OPRD1: variants seen among roughly 807,000 people sequenced by gnomAD.
OPRD1 encodes the protein delta-type opioid receptor.
Under a neutral mutation model 17.5 loss-of-function variants are expected in OPRD1, and 19 were observed. The ratio of observed to expected loss-of-function variants is 1.09; its 90% CI spans 0.76 to 1.60. The LOEUF (loss-of-function observed/expected upper bound fraction) is 1.60, where lower values mean the gene tolerates loss of function less well. Among genes scored for constraint, OPRD1 ranks in the 40% most tolerant of loss-of-function variants. OPRD1 has a pLI of 0.00. For missense variants in OPRD1, 483 were observed against 547.2 expected (o/e 0.88, Z 1.17); for synonymous variants, 256 against 240.9 (o/e 1.06, Z -0.58).
chr1:28,825,449 G>T (rs2124264320), intron 1 of OPRD1, among the ~76,000 whole-genome samples: 1 of 151,978 alleles, frequency 6.6e-6, no homozygotes, highest in Middle Eastern at 3.4e-3. Context: ...ACAGTGGCAC[G>T]ATCTCGGCTC....
intron 1 of OPRD1, among the ~76,000 whole-genome samples, chr1:28,846,846 T>TTTCTTTTCTTTCTTTC (rs769212543): frequency 8.7e-4 from 67 of 76,938 alleles, no homozygotes; most frequent in East Asian, 8.1e-3. Context: ...TCTTTCTTTC[T>TTTCTTTTCTTTCTTTC]TTTCTTTCTT....
intron 1 of OPRD1, among the ~76,000 whole-genome samples, chr1:28,814,952 A>T (rs2124254923): frequency 6.6e-6 from 1 of 152,290 alleles, no homozygotes; most frequent in African/African-American, 2.4e-5. Flanking sequence ...AGGAATCTGC[A>T]GCTCAGAGAC....
At chr1:28,823,605 G>C (rs900443533) in intron 1 of OPRD1, among the ~76,000 whole-genome samples, 1 of 151,758 alleles carries the variant, frequency 6.6e-6, no homozygotes, top group Middle Eastern at 3.4e-3. Flanking sequence ...CATGTTGGCC[G>C]GGCTGGTCTC....
rs147059624 is a variant in OPRD1 at position 28,859,014 on chromosome 1, G to T, written c.288G>T (p.Ala96=). 3 of 1,613,924 alleles carry T rather than the reference G, an allele frequency of 1.9e-6. No individual in the cohort carries two copies. The highest frequency in any genetic ancestry group is 2.5e-6 in the Non-Finnish European group (3 of 1,180,040). Residue 96 remains alanine, a synonymous_variant, in exon 2 of 3, where the codon GCG becomes GCT. Transcript: ENST00000234961. ...IYIFNLALAD[A]LATSTLPFQS... is the part of the protein sequence containing the mutation. ...TCTTCAACCTGGCCTTAGCCGATGC[G>T]CTGGCCACCAGCACGCTGCCTTTCC... is the stretch of plus-strand genomic sequence containing the variant.
chr1:28,840,951 A>G (rs1433711901), intron 1 of OPRD1, among the ~76,000 whole-genome samples: 1 of 152,206 alleles, frequency 6.6e-6, no homozygotes, highest in Non-Finnish European at 1.5e-5. Flanking sequence ...TGAATAAATA[A>G]AGTAAAATGC....
At position 28,862,863 on chromosome 1, in the gene OPRD1, T is replaced by G. The variant is rs755868876; in HGVS notation, c.699T>G (p.Tyr233Ter). Reference sequence around the variant, plus strand: ...CCATCCTCATCATCACCGTGTGCTATGGCCTCATGCTGCTGCGCCTGCGCA... The same window carrying G: ...CCATCCTCATCATCACCGTGTGCTAGGGCCTCATGCTGCTGCGCCTGCGCA... ...VVPILIITVCYGLMLLRLRSV... is the reference protein window; with the variant it reads ...VVPILIITVC The change falls in exon 3 of 3, where the codon TAT becomes TAG. Residue 233 changes from tyrosine (Y) to a stop codon, truncating the protein, a stop_gained. Transcript: ENST00000234961. LOFTEE classifies it high-confidence loss of function. The G allele has an allele frequency of 1.2e-6, 2 of 1,612,824 alleles. No individual in the cohort carries two copies. The highest frequency in any genetic ancestry group is 1.7e-6 in the Non-Finnish European group (2 of 1,180,018).
chr1:28,862,068 T>C (rs903608529), intron 2 of OPRD1, among the ~76,000 whole-genome samples: 11 of 151,902 alleles, frequency 7.2e-5, no homozygotes, highest in African/African-American at 2.4e-4. Flanking sequence ...CCTACCACCA[T>C]GCCCGGCTAA....
At chr1:28,853,215 G>C (rs2089023535) in intron 1 of OPRD1, among the ~76,000 whole-genome samples, 1 of 152,206 alleles carries the variant, frequency 6.6e-6, no homozygotes, top group Admixed American at 6.5e-5. Context: ...CCTTGCAGTT[G>C]GGCATGGCCA....
At chr1:28,858,433 C>T (rs2089078763) in intron 1 of OPRD1, among the ~76,000 whole-genome samples, 1 of 151,858 alleles carries the variant, frequency 6.6e-6, no homozygotes, top group African/African-American at 2.4e-5. Context: ...CTTAAAACAC[C>T]TTCTGCCAAA....
intron 1 of OPRD1, among the ~76,000 whole-genome samples, chr1:28,849,925 G>C (rs1043181340): frequency 6.7e-6 from 1 of 148,280 alleles, no homozygotes; most frequent in Non-Finnish European, 1.5e-5. Context: ...TGTCGCCCAG[G>C]CTGGAGTGCA....
At chr1:28,853,843 G>A (rs763768676) in intron 1 of OPRD1, among the ~76,000 whole-genome samples, 6 of 151,676 alleles carry the variant, frequency 4.0e-5, no homozygotes, top group Non-Finnish European at 7.4e-5. Context: ...CCGGGTTCAG[G>A]TGATTCTCCT....
intron 1 of OPRD1, among the ~76,000 whole-genome samples, chr1:28,828,597 A>C (rs1163178593): frequency 6.7e-6 from 1 of 149,070 alleles, no homozygotes; most frequent in Non-Finnish European, 1.5e-5. Context: ...GAAGAGGGAG[A>C]GTCGCTTGAG....
chr1:28,852,183 AAAAGAAAAGAAAG>A (rs1229632054), intron 1 of OPRD1, among the ~76,000 whole-genome samples: 1 of 150,860 alleles, frequency 6.6e-6, no homozygotes, highest in African/African-American at 2.4e-5. Context: ...AAAAAAAAAA[AAAAGAAAAGAAAG>A]AAAGAAAAGA....
intron 1 of OPRD1, among the ~76,000 whole-genome samples, chr1:28,829,503 G>A (rs1445811479): frequency 1.3e-5 from 2 of 151,892 alleles, no homozygotes; most frequent in African/African-American, 4.8e-5. Flanking sequence ...TGAGTAGCTG[G>A]GATTACAGGT....
chr1:28,814,009 C>A (rs1464662910), intron 1 of OPRD1, among the ~76,000 whole-genome samples: 1 of 152,086 alleles, frequency 6.6e-6, no homozygotes, highest in Non-Finnish European at 1.5e-5. Flanking sequence ...TGTCAGTGGG[C>A]TTCGGCATTG....
chr1:28,845,345 C>T (rs550155822), intron 1 of OPRD1, among the ~76,000 whole-genome samples: 22 of 151,882 alleles, frequency 1.4e-4, no homozygotes, highest in Admixed American at 2.0e-4. Context: ...AAAAATTAGC[C>T]GGGCATGCTG....
At chr1:28,840,426 T>C (rs2088886477) in intron 1 of OPRD1, among the ~76,000 whole-genome samples, 1 of 152,084 alleles carries the variant, frequency 6.6e-6, no homozygotes, top group Admixed American at 6.6e-5. Context: ...AAAAAGAGTA[T>C]GTGAAGGACA....
At position 28,846,850 on chromosome 1, in the gene OPRD1, C is replaced by CT. The variant is rs1553150759; in HGVS notation, c.228-12101dup. ...CTTTCTTTCTTTCTTTCTTTCTTTT[C>CT]TTTCTTTCTTTCTTTCTTTCTTTCT... On this transcript the variant is annotated intron_variant, in intron 1 of 2. Coordinates refer to ENST00000234961, the MANE Select transcript of OPRD1 (RefSeq NM_000911.4). Among the ~76,000 whole-genome samples, 202 of 38,254 alleles carry CT rather than the reference C, an allele frequency of 5.3e-3. 2 individuals are homozygous for CT. Among genetic ancestry groups the CT allele is most frequent in the African/African-American group, 0.015 (188 of 12,856 alleles). 25.1% of individuals were successfully genotyped at this position (38,254 alleles called of 152,430 possible).
intron 1 of OPRD1, among the ~76,000 whole-genome samples, chr1:28,845,392 G>A (rs1223130769): frequency 6.6e-6 from 1 of 151,674 alleles, no homozygotes; most frequent in Non-Finnish European, 1.5e-5. Flanking sequence ...GGGAGGCTGA[G>A]GCGGGAGAAT....
Sources: gnomAD v4.1 joint callset for allele counts (sites outside exome capture counted in the v4.1 genomes callset) on GRCh38, gnomAD v4.1.1 for gene constraint, MANE v1.5 for transcripts, NCBI Gene and HGNC (gene_info 2026-07-23, HGNC 2026-07-21) for gene names.